Variants in PCDHA7 observed in about 807,000 individuals in gnomAD.
PCDHA7 encodes protocadherin alpha-7.
In PCDHA7, 37 loss-of-function variants were observed where a neutral mutation model predicts 57.2. The observed-to-expected ratio is 0.65, with a 90% CI of 0.50 to 0.85. The LOEUF (loss-of-function observed/expected upper bound fraction) is 0.85. Among genes scored for constraint, PCDHA7 ranks in the 40% least tolerant of loss-of-function variants. The pLI is 0.00. For synonymous variants in PCDHA7, 553 were observed against 558.8 expected (o/e 0.99, Z 0.15); for missense variants, 1,188 against 1,241.8 (o/e 0.96, Z 0.65).
At position 141,010,234 on chromosome 5, in the gene PCDHA7, T is replaced by C. The variant is rs1455330920; in HGVS notation, c.*297T>C. 1 of 1,551,824 alleles carries C rather than the reference T, an allele frequency of 6.4e-7. No individual in the cohort carries two copies. Among genetic ancestry groups the C allele is most frequent in the Non-Finnish European group, 8.7e-7 (1 of 1,147,042 alleles). On this transcript the variant is annotated 3_prime_UTR_variant, in exon 4 of 4. Transcript: ENST00000525929. ...AGGAGAGGCTTCCCAGCCCCGCCAG[T>C]GAGAGGTTGGACTCTCTGCCCTGTG...
chr5:140,935,172 A>G (rs1278781509), intron 1 of PCDHA7, among the ~76,000 whole-genome samples: 34 of 152,164 alleles, frequency 2.2e-4, no homozygotes, highest in Admixed American at 2.1e-3. Context: ...AGGTGTGCTT[A>G]TTGCTGCTGG....
In PCDHA7 at chr5:140,848,841, G is replaced by A. The variant is rs2150422504; in HGVS notation, c.2355+12103G>A. The A allele has an allele frequency of 3.6e-5, 57 of 1,590,472 alleles. 1 individual carries two copies. In the African/African-American group the frequency reaches 7.3e-4, roughly 20 times the overall value. On this transcript the variant is annotated intron_variant, in intron 1 of 3. Transcript: ENST00000525929. ...GGTGATCGTAGACAGGCCGCTGCAG[G>A]TTTTCCATGTGGACGTGGAGGTGAA...
In PCDHA7 at chr5:140,851,734, A is replaced by G. The variant is rs2042144947; in HGVS notation, c.2355+14996A>G. 4.1e-6 allele frequency: 4 copies of G among 971,568 alleles called. 1 individual carries two copies. In the South Asian group the frequency reaches 1.9e-4, roughly 46 times the overall value. 60.2% of individuals were successfully genotyped at this position (971,568 alleles called of 1,614,324 possible). On this transcript the variant is annotated intron_variant, in intron 1 of 3. Coordinates refer to ENST00000525929, the MANE Select transcript of PCDHA7 (RefSeq NM_018910.3). ...AGATTCGAAACTTCGAGTTCTTTTG[A>G]AATTCAGAGTCTGTAACTTAAAACA...
intron 1 of PCDHA7, among the ~76,000 whole-genome samples, chr5:140,904,446 T>C (rs34807894): frequency 0.32 from 47,642 of 151,146 alleles, 7,868 homozygotes; most frequent in East Asian, 0.52. Context: ...TATTACAATT[T>C]CTTTATACAC....
chr5:140,883,746 C>A (rs1554179687), intron 1 of PCDHA7: 1 of 1,613,326 alleles, frequency 6.2e-7, no homozygotes, highest in Non-Finnish European at 8.5e-7. Context: ...GTCTCCTACT[C>A]GCTGGTGGAG....
At chr5:140,981,828 A>C (rs2096952526) in intron 2 of PCDHA7, among the ~76,000 whole-genome samples, 1 of 152,060 alleles carries the variant, frequency 6.6e-6, no homozygotes, top group Non-Finnish European at 1.5e-5. Context: ...GCTTGCCTCT[A>C]AAGGTCTCCC....
chr5:140,834,345 C>T lies in PCDHA7; in HGVS notation c.-39C>T. On this transcript the variant is annotated 5_prime_UTR_variant, in exon 1 of 4. Transcript: ENST00000525929. ...AAAAACATTCCTATAAATTCGAAGGCAAGTTTTGCTGACTAGAAAAACAAG... is the reference window on the plus strand; with the variant it reads ...AAAAACATTCCTATAAATTCGAAGGTAAGTTTTGCTGACTAGAAAAACAAG... The T allele has an allele frequency of 2.0e-6, 3 of 1,521,606 alleles. No homozygotes were observed. The highest frequency in any genetic ancestry group is 2.7e-6 in the Non-Finnish European group (3 of 1,129,440). 94.3% of individuals were successfully genotyped at this position (1,521,606 alleles called of 1,614,324 possible). A position where few individuals can be genotyped will look rare whatever the true frequency, so the allele number is the denominator to read the frequency against.
Position 140,849,938 on chromosome 5 carries a change from C to A in PCDHA7, c.2355+13200C>A. The A allele has an allele frequency of 2.5e-6, 4 of 1,598,014 alleles. 1 individual carries two copies. Among genetic ancestry groups the A allele is most frequent in the Non-Finnish European group, 3.4e-6 (4 of 1,167,752 alleles). On this transcript the variant is annotated intron_variant, in intron 1 of 3. Transcript: ENST00000525929. ...ACATCTTCACGGTGTCTGCGCGGGACGCTGACGCGCAGGAGAACGCCCTGG... is the reference window on the plus strand; with the variant it reads ...ACATCTTCACGGTGTCTGCGCGGGAAGCTGACGCGCAGGAGAACGCCCTGG...
In PCDHA7 at chr5:140,863,500, T is replaced by C. The variant is rs536977258; in HGVS notation, c.2355+26762T>C. On this transcript the variant is annotated intron_variant, in intron 1 of 3. Coordinates refer to ENST00000525929, the MANE Select transcript of PCDHA7 (RefSeq NM_018910.3). ...CCTCCCAAGGTCAACATTACGGCTT[T>C]TAGTCCTAGTGTTCTCCCATGGTTC... 36 of 432,458 alleles carry C rather than the reference T, an allele frequency of 8.3e-5. 2 individuals are homozygous for C. Among genetic ancestry groups the C allele is most frequent in the South Asian group, 5.0e-4 (28 of 55,804 alleles). 26.8% of individuals were successfully genotyped at this position (432,458 alleles called of 1,614,324 possible).
intron 1 of PCDHA7, chr5:140,871,052 T>C (rs981101486): frequency 6.2e-7 from 1 of 1,613,156 alleles, no homozygotes; most frequent in Non-Finnish European, 8.5e-7. Flanking sequence ...CTAGTACTGG[T>C]GAAGGATCAC....
At chr5:140,921,366 A>C (rs1415562044) in intron 1 of PCDHA7, among the ~76,000 whole-genome samples, 1 of 152,140 alleles carries the variant, frequency 6.6e-6, no homozygotes, top group African/African-American at 2.4e-5. Flanking sequence ...TTCAAGTTTC[A>C]TATTTCTACA....
chr5:140,870,334 G>T lies in PCDHA7; in HGVS notation c.2355+33596G>T, dbSNP rs180868237. The T allele has an allele frequency of 3.1e-6, 5 of 1,614,166 alleles. No individual in the cohort carries two copies. The highest frequency in any genetic ancestry group is 1.7e-5 in the Admixed American group (1 of 60,020). ...TTACTACTCGTTGGTGCTGGACAGCGCCCTGGACCGCGAGAACGTGTGGGC... is the reference window on the plus strand; with the variant it reads ...TTACTACTCGTTGGTGCTGGACAGCTCCCTGGACCGCGAGAACGTGTGGGC... On this transcript the variant is annotated intron_variant, in intron 1 of 3. Transcript: ENST00000525929.
intron 1 of PCDHA7, among the ~76,000 whole-genome samples, chr5:140,893,912 G>A (rs1254345100): frequency 6.6e-6 from 1 of 152,124 alleles, no homozygotes; most frequent in Non-Finnish European, 1.5e-5. Flanking sequence ...TGAATTTGTG[G>A]TCTTTTTCAG....
chr5:140,876,862 G>A (rs1554169053), intron 1 of PCDHA7: 2 of 1,614,168 alleles, frequency 1.2e-6, no homozygotes, highest in Non-Finnish European at 1.7e-6. Context: ...CACAGTGTTC[G>A]TGAAGGAGAA....
rs2150500833 is a variant in PCDHA7 at position 140,850,862 on chromosome 5, C to T, written c.2355+14124C>T. ...GATCTACAGAGCGAACGGGAGAACCCTCTGCTTCCTCAGATTCAACTGGGA... is the reference window on the plus strand; with the variant it reads ...GATCTACAGAGCGAACGGGAGAACCTTCTGCTTCCTCAGATTCAACTGGGA... On this transcript the variant is annotated intron_variant, in intron 1 of 3. Coordinates refer to ENST00000525929, the MANE Select transcript of PCDHA7 (RefSeq NM_018910.3). The T allele has an allele frequency of 1.9e-6, 3 of 1,592,842 alleles. 1 individual carries two copies. In the African/African-American group the frequency reaches 4.0e-5, roughly 21 times the overall value.
chr5:140,846,369 CTTTCTTT>C (rs1320771612), intron 1 of PCDHA7, among the ~76,000 whole-genome samples: 4 of 102,192 alleles, frequency 3.9e-5, no homozygotes, highest in African/African-American at 3.8e-5. Flanking sequence ...TCTTTTCTTT[CTTTCTTT>C]TTTTTTTTTT....
chr5:140,938,477 A>T (rs2092083791), intron 1 of PCDHA7, among the ~76,000 whole-genome samples: 1 of 152,178 alleles, frequency 6.6e-6, no homozygotes, highest in Non-Finnish European at 1.5e-5. Flanking sequence ...TATGTTTTTT[A>T]AAAATCATGA....
At chr5:140,858,446 T>C in intron 1 of PCDHA7, 1 of 1,533,674 alleles carries the variant, frequency 6.5e-7, no homozygotes, top group Non-Finnish European at 8.9e-7. Context: ...GGTGGGTTAT[T>C]ACGTTTTCAT....
intron 1 of PCDHA7, among the ~76,000 whole-genome samples, chr5:140,975,632 A>G (rs1554236932): frequency 1.3e-5 from 2 of 152,216 alleles, no homozygotes; most frequent in African/African-American, 4.8e-5. Context: ...CATGGTACGA[A>G]GATAGCATAT....
Sources: allele counts gnomAD v4.1 joint callset (sites outside exome capture counted in the v4.1 genomes callset), GRCh38; gene constraint gnomAD v4.1.1; transcripts MANE v1.5; gene names NCBI Gene and HGNC (gene_info 2026-07-23, HGNC 2026-07-21).